ANKRD45: variants seen among roughly 807,000 people sequenced by gnomAD.
ANKRD45 encodes ankyrin repeat domain-containing protein 45.
In ANKRD45, 21 loss-of-function variants were observed where a neutral mutation model predicts 28.1. That is an observed-to-expected ratio of 0.75 (90% confidence interval 0.53 to 1.08). The LOEUF (loss-of-function observed/expected upper bound fraction) is 1.08, where lower values mean the gene tolerates loss of function less well. Among genes scored for constraint, ANKRD45 ranks in the 50% least tolerant of loss-of-function variants. ANKRD45 has a pLI of 0.00. For missense variants in ANKRD45, 261 were observed against 308.7 expected, an observed-to-expected ratio of 0.85 and a Z score of 1.16; for synonymous variants, 86 against 103.9, an observed-to-expected ratio of 0.83 and a Z score of 1.05.
chr1:173,625,072 T>C (rs565210533), intron 4 of ANKRD45, 147 bp from the exon 5 acceptor site: 5 of 704,802 alleles, frequency 7.1e-6, no homozygotes, highest in South Asian at 6.3e-5. Context: ...AGCCATTAGA[T>C]ATAAATAGCT....
the ANKRD45 span, among the ~76,000 whole-genome samples, chr1:173,684,839 C>A: frequency 1.3e-5 from 2 of 152,190 alleles, no homozygotes; most frequent in Non-Finnish European, 2.9e-5. Context: ...AACAGCATCT[C>A]TAGTGTAGTT....
chr1:173,654,547 A>G (rs1669405045), intron 2 of ANKRD45, among the ~76,000 whole-genome samples: 2 of 151,116 alleles, frequency 1.3e-5, no homozygotes, highest in African/African-American at 4.9e-5. Flanking sequence ...CTTCATTTCA[A>G]CCTTGGTGAA....
chr1:173,680,681 C>T, the ANKRD45 span, among the ~76,000 whole-genome samples: 1 of 151,872 alleles, frequency 6.6e-6, no homozygotes, highest in African/African-American at 2.4e-5. Context: ...ATGTTTACTA[C>T]AGCACTGTTC....
chr1:173,653,091 A>G (rs895387056), intron 2 of ANKRD45, among the ~76,000 whole-genome samples: 2 of 151,890 alleles, frequency 1.3e-5, no homozygotes, highest in African/African-American at 2.4e-5. Context: ...TTGTGTCTCT[A>G]TCTCCTTCAG....
Position 173,617,463 on chromosome 1 carries a change from G to A in ANKRD45, c.731-7248C>T, listed in dbSNP as rs146202077. Among the ~76,000 whole-genome samples, 1,301 of 152,346 alleles carry A rather than the reference G, an allele frequency of 8.5e-3. 4 individuals are homozygous for A. Among genetic ancestry groups the A allele is most frequent in the Middle Eastern group, 0.037 (11 of 294 alleles). On this transcript the variant is annotated intron_variant, in intron 5 of 5. Transcript: ENST00000333279. The stretch of plus-strand genomic sequence containing the variant: ...CTTCCAGCTCTGGGGAGTTCAAGAA[G>A]TCCTGATGAGGAGGAGTCCTGCACA...
chr1:173,628,982 A>T (rs949353778), intron 3 of ANKRD45, among the ~76,000 whole-genome samples: 2 of 152,218 alleles, frequency 1.3e-5, no homozygotes, highest in African/African-American at 4.8e-5. Flanking sequence ...AGAAAAAAAG[A>T]GTTTCTGCCT....
chr1:173,675,924 C>T, the ANKRD45 span, among the ~76,000 whole-genome samples: 1 of 152,106 alleles, frequency 6.6e-6, no homozygotes, highest in African/African-American at 2.4e-5. Flanking sequence ...TTTTTAAAGC[C>T]AAGCCCAGCC....
intron 1 of ANKRD45, among the ~76,000 whole-genome samples, chr1:173,661,018 A>T (rs1463303625): frequency 6.6e-6 from 1 of 152,188 alleles, no homozygotes; most frequent in Non-Finnish European, 1.5e-5. Context: ...TCTTACCAAT[A>T]TATCACATGA....
In ANKRD45 at chr1:173,646,902, C is replaced by T. The variant is rs1227973549; in HGVS notation, c.440G>A (p.Arg147Gln). ...CTGAGAATATCTAGCAGCAACATCT[C>T]GAGCCCTTTCTTCCCGGAAGTTCAA... The part of the protein sequence containing the change: ...EALNFREERA[R>Q]DVAARYSQTE... Residue 147 changes from arginine to glutamine, a missense_variant, in exon 3 of 6, where the codon CGA (arginine) becomes CAA (glutamine). Transcript: ENST00000333279. The T allele has an allele frequency of 4.3e-6, 7 of 1,614,180 alleles. No individual in the cohort carries two copies. Among genetic ancestry groups the T allele is most frequent in the African/African-American group, 4.0e-5 (3 of 75,062 alleles).
chr1:173,692,342 G>C, the ANKRD45 span, among the ~76,000 whole-genome samples: 1 of 152,290 alleles, frequency 6.6e-6, no homozygotes, highest in East Asian at 1.9e-4. Context: ...GTCTGGAAAG[G>C]TGGGACAACT....
chr1:173,627,801 A>G (rs1257333912), intron 3 of ANKRD45, among the ~76,000 whole-genome samples: 1 of 151,938 alleles, frequency 6.6e-6, no homozygotes, highest in Non-Finnish European at 1.5e-5. Flanking sequence ...CTGAATGACC[A>G]TGAGAGTGCT....
the ANKRD45 span, among the ~76,000 whole-genome samples, chr1:173,683,432 A>AAACAAC: frequency 3.9e-5 from 6 of 152,006 alleles, no homozygotes; most frequent in East Asian, 3.9e-4. Flanking sequence ...TAAAACTCCA[A>AAACAAC]AACAACAACA....
chr1:173,640,603 A>G (rs1211077219), intron 3 of ANKRD45, among the ~76,000 whole-genome samples: 10 of 152,192 alleles, frequency 6.6e-5, no homozygotes. Flanking sequence ...TAATGTAACT[A>G]AGTCTGACTC....
chr1:173,635,480 T>G, intron 3 of ANKRD45: 1 of 1,381,550 alleles, frequency 7.2e-7, no homozygotes. Flanking sequence ...TATTTTAAAA[T>G]AGCTAAATTT....
the ANKRD45 span, among the ~76,000 whole-genome samples, chr1:173,691,582 G>A: frequency 2.0e-5 from 3 of 152,136 alleles, no homozygotes; most frequent in South Asian, 2.1e-4. Context: ...TCAGGAGATC[G>A]AGACCATCCT....
chr1:173,668,267 G>T (rs1558150654), intron 1 of ANKRD45, among the ~76,000 whole-genome samples: 1 of 152,134 alleles, frequency 6.6e-6, no homozygotes, highest in Non-Finnish European at 1.5e-5. Context: ...AATTGCTATA[G>T]CAGGGCAAGG....
the ANKRD45 span, among the ~76,000 whole-genome samples, chr1:173,677,043 AG>A: frequency 2.0e-5 from 3 of 152,036 alleles, no homozygotes; most frequent in Non-Finnish European, 4.4e-5. Context: ...TAATTAGGTC[AG>A]AAAAAGACAT....
At chr1:173,688,715 CCTCT>C in the ANKRD45 span, among the ~76,000 whole-genome samples, 5 of 140,150 alleles carry the variant, frequency 3.6e-5, no homozygotes, top group African/African-American at 5.8e-5. Context: ...CTGCCTCTTT[CCTCT>C]CTCTCTTTCT....
chr1:173,666,153 T>A (rs1296696789), intron 1 of ANKRD45, among the ~76,000 whole-genome samples: 2 of 152,218 alleles, frequency 1.3e-5, no homozygotes, highest in East Asian at 3.9e-4. Flanking sequence ...GAATTCACTC[T>A]GCCTAATTTC....
Sources: gnomAD v4.1 joint callset for allele counts (sites outside exome capture counted in the v4.1 genomes callset) on GRCh38, gnomAD v4.1.1 for gene constraint, MANE v1.5 for transcripts, NCBI Gene and HGNC (gene_info 2026-07-23, HGNC 2026-07-21) for gene names.